PCDH15: variants seen among roughly 807,000 people sequenced by gnomAD.
The protein encoded by PCDH15 is protocadherin related 15, also known as protocadherin-15.
PCDH15 carries 129 observed loss-of-function variants against 178.5 expected under a neutral mutation model. That is an observed-to-expected ratio of 0.72 (90% CI 0.63 to 0.84). The LOEUF (loss-of-function observed/expected upper bound fraction) is 0.84. Among genes scored for constraint, PCDH15 ranks in the 40% least tolerant of loss-of-function variants. The pLI is 0.00. For missense variants in PCDH15, 2,230 were observed against 2,099.9 expected, an observed-to-expected ratio of 1.06 and a Z score of -1.21; for synonymous variants, 800 against 732.0, an observed-to-expected ratio of 1.09 and a Z score of -1.50.
intron 8 of PCDH15, among the ~76,000 whole-genome samples, chr10:54,313,888 T>C (rs112308211): frequency 0.013 from 1,967 of 152,072 alleles, 40 homozygotes; most frequent in African/African-American, 0.044. Context: ...TAAAATTAAG[T>C]TTGTACACTC....
chr10:54,763,753 A>AAT (rs36090343), intron 1 of PCDH15, among the ~76,000 whole-genome samples: 50,434 of 146,062 alleles, frequency 0.35, 8,920 homozygotes, highest in Middle Eastern at 0.46. Flanking sequence ...GTACTATATA[A>AAT]ATATATATAT....
intron 2 of PCDH15, among the ~76,000 whole-genome samples, chr10:55,355,545 TAA>T (rs1663280617): frequency 6.6e-6 from 1 of 152,014 alleles, no homozygotes; most frequent in African/African-American, 2.4e-5. Flanking sequence ...CTTCCTGGGT[TAA>T]GTGTCCCAGG....
Position 54,919,755 on chromosome 10 carries a change from G to A in PCDH15, c.-79-22255C>T, listed in dbSNP as rs556400355. 3.9e-5 allele frequency among the ~76,000 whole-genome samples: 6 copies of A among 152,232 alleles called. No homozygotes were observed. In the East Asian group the frequency reaches 9.7e-4, roughly 25 times the overall value. ...TCCTCCAACCATAGGTAACCCAACA[G>A]ATTTGAGTTTAAACATTACTTTCAT... On this transcript the variant is annotated intron_variant, in intron 2 of 5. Coordinates refer to the PCDH15 transcript ENST00000458638.
chr10:54,793,163 G>C (rs1200590544), intron 1 of PCDH15, among the ~76,000 whole-genome samples: 1 of 151,926 alleles, frequency 6.6e-6, no homozygotes, highest in Non-Finnish European at 1.5e-5. Context: ...CAATGAGATT[G>C]AAACTGTGTT....
At chr10:54,919,890 T>TG (rs150786212) in intron 2 of PCDH15, among the ~76,000 whole-genome samples, 9,856 of 151,890 alleles carry the variant, frequency 0.065, 1,034 homozygotes, top group African/African-American at 0.22. Context: ...CTATGAGGTT[T>TG]GGGAAAAAAA....
Position 54,941,390 on chromosome 10 carries a change from G to A in PCDH15, c.-79-43890C>T, listed in dbSNP as rs191402096. Among the ~76,000 whole-genome samples the A allele has an allele frequency of 5.3e-5, 8 of 151,962 alleles. No homozygotes were observed. The East Asian group carries it at 7.7e-4, about 15-fold the overall frequency. On this transcript the variant is annotated intron_variant, in intron 2 of 5. Coordinates refer to the PCDH15 transcript ENST00000458638. Reference sequence around the variant, plus strand: ...GTTGAGATTCCCTAGAGAACATTTCGTTTCAACATCTGTACTTTTCAATTC... The same window carrying A: ...GTTGAGATTCCCTAGAGAACATTTCATTTCAACATCTGTACTTTTCAATTC...
At chr10:55,497,499 C>G (rs1435400935) in intron 2 of PCDH15, among the ~76,000 whole-genome samples, 2 of 151,710 alleles carry the variant, frequency 1.3e-5, no homozygotes, top group African/African-American at 4.8e-5. Flanking sequence ...AGTAATAACA[C>G]AGCTTTGATG....
At chr10:55,222,716 C>CACACAG (rs1301280032) in intron 1 of PCDH15, among the ~76,000 whole-genome samples, 32 of 23,032 alleles carry the variant, frequency 1.4e-3, no homozygotes, top group Admixed American at 4.5e-3. Context: ...TTTATACACA[C>CACACAG]ACACACACAC....
At position 54,985,763 on chromosome 10, in the gene PCDH15, T is replaced by C. The variant is rs1043851400; in HGVS notation, c.-79-88263A>G. Among the ~76,000 whole-genome samples, 3 of 152,158 alleles carry C rather than the reference T, an allele frequency of 2.0e-5. No individual in the cohort carries two copies. The South Asian group carries it at 6.2e-4, about 32-fold the overall frequency. The stretch of plus-strand genomic sequence containing the variant: ...TATATCATTTCACACCATCATCAAA[T>C]TGGAAAATTGTTAAGTTGAAGCATT... On this transcript the variant is annotated intron_variant, in intron 2 of 5. Coordinates refer to the PCDH15 transcript ENST00000458638.
At chr10:55,132,009 C>A (rs1429999849) in intron 2 of PCDH15, among the ~76,000 whole-genome samples, 1 of 152,128 alleles carries the variant, frequency 6.6e-6, no homozygotes, top group East Asian at 1.9e-4. Context: ...CACCCACAGT[C>A]CCCAAGCTGT....
At chr10:54,012,698 C>G (rs1420964536) in intron 20 of PCDH15, among the ~76,000 whole-genome samples, 1 of 152,130 alleles carries the variant, frequency 6.6e-6, no homozygotes, top group East Asian at 1.9e-4. Flanking sequence ...TGAAACTGAG[C>G]TTCATAGGCA....
intron 1 of PCDH15, among the ~76,000 whole-genome samples, chr10:54,690,517 G>T (rs2095101583): frequency 6.6e-6 from 1 of 151,948 alleles, no homozygotes; most frequent in Non-Finnish European, 1.5e-5. Context: ...GTTTCACCAT[G>T]TTGGCCAGGC....
intron 2 of PCDH15, among the ~76,000 whole-genome samples, chr10:55,447,726 G>T (rs1839349115): frequency 6.6e-6 from 1 of 151,876 alleles, no homozygotes; most frequent in Non-Finnish European, 1.5e-5. Flanking sequence ...TAAAACCATA[G>T]AATTAAGATT....
intron 2 of PCDH15, among the ~76,000 whole-genome samples, chr10:55,137,640 G>T (rs1838232965): frequency 6.6e-6 from 1 of 151,714 alleles, no homozygotes; most frequent in Non-Finnish European, 1.5e-5. Flanking sequence ...GTTGAAACAG[G>T]TCAAATATTG....
At chr10:54,357,023 A>C (rs1478662539) in intron 5 of PCDH15, among the ~76,000 whole-genome samples, 5 of 152,176 alleles carry the variant, frequency 3.3e-5, no homozygotes, top group Admixed American at 2.0e-4. Flanking sequence ...AAATAATAAG[A>C]GCTATCAATG....
intron 3 of PCDH15, among the ~76,000 whole-genome samples, chr10:54,434,100 C>G (rs1386229121): frequency 6.6e-6 from 1 of 152,024 alleles, no homozygotes; most frequent in Non-Finnish European, 1.5e-5. Context: ...AAATAAAAAA[C>G]TTATAGAACA....
At chr10:53,830,818 A>G (rs1174602092) in intron 30 of PCDH15, among the ~76,000 whole-genome samples, 4 of 152,222 alleles carry the variant, frequency 2.6e-5, no homozygotes, top group Non-Finnish European at 5.9e-5. Flanking sequence ...AGAAAATTAC[A>G]TCTTACATGC....
intron 8 of PCDH15, among the ~76,000 whole-genome samples, chr10:54,313,286 T>G (rs1461208269): frequency 2.0e-5 from 3 of 152,074 alleles, no homozygotes; most frequent in South Asian, 4.1e-4. Context: ...TTCATTATTC[T>G]CCTTATGTTA....
chr10:55,299,523 C>T (rs1267509013), intron 1 of PCDH15, among the ~76,000 whole-genome samples: 3 of 152,134 alleles, frequency 2.0e-5, no homozygotes, highest in Non-Finnish European at 2.9e-5. Flanking sequence ...GCACATAATT[C>T]GGGAGGGATC....
Sources: gnomAD v4.1 joint callset for allele counts (sites outside exome capture counted in the v4.1 genomes callset) on GRCh38, gnomAD v4.1.1 for gene constraint, MANE v1.5 for transcripts, NCBI Gene and HGNC (gene_info 2026-07-23, HGNC 2026-07-21) for gene names.